The following EXOC6 variants were observed in gnomAD, a reference collection of about 807,000 sequenced individuals.
EXOC6 encodes SEC15-like 1.
In EXOC6, 60 loss-of-function variants were observed where a neutral mutation model predicts 112.5. The observed-to-expected ratio is 0.53, with a 90% CI of 0.43 to 0.66. EXOC6 has a LOEUF of 0.66. EXOC6 is among the 30% of genes least tolerant of loss of function. The pLI is 0.00. For missense variants in EXOC6, 855 were observed against 957.1 expected, an observed-to-expected ratio of 0.89 and a Z score of 1.41; for synonymous variants, 295 against 308.0, an observed-to-expected ratio of 0.96 and a Z score of 0.44.
intron 4 of EXOC6, among the ~76,000 whole-genome samples, chr10:92,896,155 A>ATGTGTGTGTGTGTGTGTGTATGTG (rs1564809895): frequency 7.6e-5 from 1 of 13,124 alleles, no homozygotes; most frequent in Non-Finnish European, 1.1e-4. Context: ...GTGTATATAT[A>ATGTGTGTGTGTGTGTGTGTATGTG]TATATATATA....
intron 8 of EXOC6, among the ~76,000 whole-genome samples, chr10:92,924,769 G>T (rs1851616976): frequency 6.6e-6 from 1 of 152,080 alleles, no homozygotes; most frequent in African/African-American, 2.4e-5. Context: ...GGCTTTTAGT[G>T]TACTTGTCAC....
chr10:92,946,843 A>G (rs1853046984), intron 13 of EXOC6, among the ~76,000 whole-genome samples: 1 of 152,072 alleles, frequency 6.6e-6, no homozygotes, highest in African/African-American at 2.4e-5. Flanking sequence ...AGGACTACTC[A>G]CTTCTCTGTC....
intron 1 of EXOC6, among the ~76,000 whole-genome samples, chr10:92,874,627 T>A (rs183559132): frequency 0.013 from 1,939 of 152,192 alleles, 27 homozygotes; most frequent in South Asian, 0.047. Flanking sequence ...TTAAAAAAAA[T>A]TTGTAGTTGT....
chr10:92,916,336 C>G (rs1405797219), intron 7 of EXOC6, among the ~76,000 whole-genome samples: 1 of 152,024 alleles, frequency 6.6e-6, no homozygotes, highest in Non-Finnish European at 1.5e-5. Context: ...ATGGTGAAAC[C>G]CTGTCTCTAC....
chr10:92,916,230 G>A (rs1336823991), intron 7 of EXOC6, among the ~76,000 whole-genome samples: 4 of 152,150 alleles, frequency 2.6e-5, no homozygotes, highest in Non-Finnish European at 4.4e-5. Flanking sequence ...TTCAAAACAG[G>A]CCAGGCACAG....
intron 9 of EXOC6, among the ~76,000 whole-genome samples, chr10:92,930,076 A>G (rs897046894): frequency 1.3e-5 from 2 of 152,246 alleles, no homozygotes; most frequent in Non-Finnish European, 2.9e-5. Flanking sequence ...CCTGAAAACT[A>G]TTATCAGCTG....
intron 17 of EXOC6, among the ~76,000 whole-genome samples, chr10:92,958,709 A>G (rs571656814): frequency 2.0e-5 from 3 of 152,322 alleles, no homozygotes; most frequent in African/African-American, 7.2e-5. Context: ...TTAACTTTAT[A>G]TGGAGACAGA....
At position 93,057,336 on chromosome 10, in the gene EXOC6, T is replaced by TA. The variant is rs529372907; in HGVS notation, c.2282+310dup. 1.4e-4 allele frequency among the ~76,000 whole-genome samples: 21 copies of TA among 148,610 alleles called. No individual in the cohort carries two copies. The East Asian group carries it at 1.6e-3, about 11-fold the overall frequency. ...GGGATGTGACAATTGGAGCTTTCTT[T>TA]AAAAAAAAAAGTCTATAACTCAGGA... On this transcript the variant is annotated intron_variant, in intron 21 of 21. Coordinates refer to ENST00000260762, the MANE Select transcript of EXOC6 (RefSeq NM_019053.6).
chr10:93,017,150 A>G (rs1744656749), intron 20 of EXOC6, among the ~76,000 whole-genome samples: 1 of 152,122 alleles, frequency 6.6e-6, no homozygotes, highest in Non-Finnish European at 1.5e-5. Context: ...TGTCATCTAC[A>G]GAATATTAAT....
At position 92,909,644 on chromosome 10, in the gene EXOC6, A is replaced by G. The variant is rs1850630626; in HGVS notation, c.663+13A>G. The G allele has an allele frequency of 6.6e-7, 1 of 1,516,670 alleles. No individual in the cohort carries two copies. The highest frequency in any genetic ancestry group is 9.1e-7 in the Non-Finnish European group (1 of 1,103,872). 94.0% of individuals were successfully genotyped at this position (1,516,670 alleles called of 1,614,324 possible). On this transcript the variant is annotated intron_variant, in intron 6 of 21. Transcript: ENST00000260762. ...AGCAATGAAACAGGTGAGATTAAAA[A>G]TAATTTTGATTTAATATTATTTAGT...
In EXOC6 at chr10:92,860,477, G is replaced by A. The variant is rs7069044; in HGVS notation, c.101+11843G>A. Among the ~76,000 whole-genome samples, 500 of 152,080 alleles carry A rather than the reference G, an allele frequency of 3.3e-3. 3 individuals are homozygous for A. Among genetic ancestry groups the A allele is most frequent in the African/African-American group, 0.011 (475 of 41,484 alleles). On this transcript the variant is annotated intron_variant, in intron 1 of 21. Coordinates refer to ENST00000260762, the MANE Select transcript of EXOC6 (RefSeq NM_019053.6). ...CGGGGTTTCACCATGTTGCCAGACT[G>A]GTCTTGAACTCCTGACCTCGTGATC... is the stretch of plus-strand genomic sequence containing the variant.
chr10:92,984,999 AAAAAC>A (rs372482141), intron 18 of EXOC6, among the ~76,000 whole-genome samples: 49 of 151,790 alleles, frequency 3.2e-4, no homozygotes, highest in East Asian at 5.8e-4. Context: ...ACCTTGTCTC[AAAAAC>A]AAAACAAAAC....
chr10:92,881,059 A>T (rs1385701669), intron 1 of EXOC6, among the ~76,000 whole-genome samples: 2 of 152,094 alleles, frequency 1.3e-5, no homozygotes, highest in Non-Finnish European at 2.9e-5. Flanking sequence ...GCTGTCAGCT[A>T]CCTGCTGGGG....
intron 20 of EXOC6, among the ~76,000 whole-genome samples, chr10:93,016,135 ATTTG>A (rs796713166): frequency 2.6e-5 from 4 of 152,094 alleles, no homozygotes; most frequent in African/African-American, 7.2e-5. Context: ...TCCTATATTT[ATTTG>A]TTTATTTATT....
In EXOC6 at chr10:92,977,423, T is replaced by C. The variant is rs139745657; in HGVS notation, c.1953+3191T>C. On this transcript the variant is annotated intron_variant, in intron 18 of 21. Coordinates refer to ENST00000260762, the MANE Select transcript of EXOC6 (RefSeq NM_019053.6). ...GTCATCATGGATCTGGGCCAGAGAA[T>C]TTTAGAAGCTTACCCAGGGATGATA... Among the ~76,000 whole-genome samples the C allele has an allele frequency of 3.1e-3, 474 of 152,216 alleles. 1 individual carries two copies. Among genetic ancestry groups the C allele is most frequent in the Non-Finnish European group, 4.6e-3 (311 of 67,994 alleles).
chr10:92,968,111 A>G (rs1036998543), intron 17 of EXOC6, among the ~76,000 whole-genome samples: 1 of 151,984 alleles, frequency 6.6e-6, no homozygotes, highest in Admixed American at 6.6e-5. Context: ...GAAGTTAAAG[A>G]GAAATAGGTG....
chr10:92,840,903 C>T (rs1419003648), intron 1 of EXOC6, among the ~76,000 whole-genome samples: 3 of 152,138 alleles, frequency 2.0e-5, no homozygotes, highest in Admixed American at 2.0e-4. Flanking sequence ...AGAAATCCGC[C>T]TGCCTTGGCC....
intron 1 of EXOC6, among the ~76,000 whole-genome samples, chr10:92,887,826 A>G (rs148932910): frequency 5.4e-4 from 83 of 152,312 alleles, no homozygotes; most frequent in Admixed American, 9.8e-4. Context: ...CATTTGATGA[A>G]TTTTTGATTC....
At chr10:92,862,128 C>CATTAAGAGTG (rs1435307438) in intron 1 of EXOC6, among the ~76,000 whole-genome samples, 1 of 152,160 alleles carries the variant, frequency 6.6e-6, no homozygotes, top group Non-Finnish European at 1.5e-5. Flanking sequence ...AAACCTTGTA[C>CATTAAGAGTG]ACATTAAATA....
Sources: allele counts gnomAD v4.1 joint callset (sites outside exome capture counted in the v4.1 genomes callset), GRCh38; gene constraint gnomAD v4.1.1; transcripts MANE v1.5; gene names NCBI Gene and HGNC (gene_info 2026-07-23, HGNC 2026-07-21).